The following SPATA6L variants were observed in gnomAD, a reference collection of about 807,000 sequenced individuals.
SPATA6L encodes the protein spermatogenesis associated 6 like.
A neutral mutation model predicts 49.2 loss-of-function variants in SPATA6L; 68 were observed. That is an observed-to-expected ratio of 1.38 (90% CI 1.14 to 1.69). The LOEUF (loss-of-function observed/expected upper bound fraction) is 1.69. Ranked by LOEUF, SPATA6L falls within the 40% of genes most tolerant of loss-of-function variation. The pLI is 0.00. For missense variants in SPATA6L, 668 were observed against 464.3 expected (o/e 1.44, Z -4.03); for synonymous variants, 198 against 165.7 (o/e 1.19, Z -1.50).
Position 4,629,167 on chromosome 9 carries a change from C to T in SPATA6L, c.353G>A (p.Gly118Asp). ...AGAAAACTCTATTTTGGGAGCAATG[C>T]CCTATAAAACAGCATAAAAAAAGCA... Reference protein sequence around the residue: ...VLMKTALGFPGIAPKIEFSTR... With the variant: ...VLMKTALGFPDIAPKIEFSTR... The change falls in exon 5 of 12, where the codon GGC becomes GAC. Residue 118 changes from glycine to aspartate, a missense_variant and splice_region_variant. By Grantham distance (94) the Gly-to-Asp change is moderately conservative. Coordinates refer to ENST00000682582, the MANE Select transcript of SPATA6L (RefSeq NM_001353486.2). The T allele has an allele frequency of 1.3e-6, 2 of 1,558,498 alleles. No individual in the cohort carries two copies. Among genetic ancestry groups the T allele is most frequent in the Non-Finnish European group, 8.6e-7 (1 of 1,158,576 alleles).
At chr9:4,661,424 A>G (rs1285232626) in intron 2 of SPATA6L, among the ~76,000 whole-genome samples, 2 of 152,154 alleles carry the variant, frequency 1.3e-5, no homozygotes, top group African/African-American at 2.4e-5. Context: ...TAGCTAAATA[A>G]TCTAGGTATG....
At chr9:4,646,916 T>G (rs1835510484) in intron 3 of SPATA6L, among the ~76,000 whole-genome samples, 1 of 152,128 alleles carries the variant, frequency 6.6e-6, no homozygotes, top group African/African-American at 2.4e-5. Context: ...TGGGGCCTAC[T>G]TGAGGGTGAA....
chr9:4,657,374 T>C (rs894971913), intron 2 of SPATA6L, among the ~76,000 whole-genome samples: 1 of 152,144 alleles, frequency 6.6e-6, no homozygotes, highest in African/African-American at 2.4e-5. Context: ...ATTCATGGAA[T>C]GAAGTCTTAA....
intron 9 of SPATA6L, among the ~76,000 whole-genome samples, chr9:4,613,170 G>C (rs1827169269): frequency 6.6e-6 from 1 of 151,804 alleles, no homozygotes; most frequent in Non-Finnish European, 1.5e-5. Flanking sequence ...GGAGGTTGTA[G>C]TGAGCTGAGA....
At chr9:4,611,910 C>T (rs1217109456) in intron 9 of SPATA6L, among the ~76,000 whole-genome samples, 1 of 152,088 alleles carries the variant, frequency 6.6e-6, no homozygotes, top group Non-Finnish European at 1.5e-5. Context: ...ACTGCATGAT[C>T]ATAGCTCACT....
At chr9:4,589,801 C>A (rs189956299) in intron 13 of SPATA6L, among the ~76,000 whole-genome samples, 1 of 152,124 alleles carries the variant, frequency 6.6e-6, no homozygotes, top group East Asian at 1.9e-4. Flanking sequence ...CAGGGCCCCC[C>A]GTGGGGCTTT....
intron 5 of SPATA6L, chr9:4,627,140 C>T (rs980206953): frequency 6.6e-6 from 1 of 152,098 alleles, no homozygotes; most frequent in Non-Finnish European, 1.5e-5. Flanking sequence ...AGCAGAGGAT[C>T]TCTTGAGGCC....
At chr9:4,632,621 T>C (rs867793688) in intron 4 of SPATA6L, among the ~76,000 whole-genome samples, 10 of 151,656 alleles carry the variant, frequency 6.6e-5, no homozygotes, top group South Asian at 4.2e-4. Context: ...ATTAAGTGTG[T>C]TACTCTTTCA....
intron 3 of SPATA6L, among the ~76,000 whole-genome samples, chr9:4,640,756 G>A (rs952323437): frequency 7.2e-5 from 11 of 152,032 alleles, no homozygotes; most frequent in Non-Finnish European, 1.5e-4. Flanking sequence ...CTGAAGCTAA[G>A]TAAAATCAAT....
chr9:4,628,495 G>A lies in SPATA6L; in HGVS notation c.429+596C>T, dbSNP rs546890065. 1.6e-3 allele frequency: 237 copies of A among 151,948 alleles called. 1 individual carries two copies. Among genetic ancestry groups the A allele is most frequent in the African/African-American group, 5.6e-3 (230 of 41,416 alleles). The allele number at this position is 151,948 out of a possible 1,614,324, so 9.4% of individuals were successfully genotyped here. A position where few individuals can be genotyped will look rare whatever the true frequency, so the allele number is the denominator to read the frequency against. On this transcript the variant is annotated intron_variant, in intron 5 of 11. Transcript: ENST00000682582. ...GAGTCTCACTCTTGTCACCCAGGCT[G>A]GAGTGCAGTGGAGCCATCTTGGCTC...
intron 13 of SPATA6L, among the ~76,000 whole-genome samples, chr9:4,591,650 G>T (rs142764205): frequency 6.6e-6 from 1 of 152,342 alleles, no homozygotes; most frequent in African/African-American, 2.4e-5. Flanking sequence ...AAGGTAGAAA[G>T]AATGTGTCAA....
rs537779111 is a variant in SPATA6L, at chr9:4,606,500, G to A, written c.996-1060C>T. Among the ~76,000 whole-genome samples, 14 of 41,294 alleles carry A rather than the reference G, an allele frequency of 3.4e-4. 3 individuals carry two copies. The highest frequency in any genetic ancestry group is 7.7e-4 in the East Asian group (2 of 2,584). The allele number at this position is 41,294 out of a possible 152,430, so 27.1% of individuals were successfully genotyped here. A position where few individuals can be genotyped will look rare whatever the true frequency, so the allele number is the denominator to read the frequency against. On this transcript the variant is annotated intron_variant, in intron 9 of 11. Coordinates refer to ENST00000682582, the MANE Select transcript of SPATA6L (RefSeq NM_001353486.2). ...AGTGGGTGCCTGACCCCTGACCCCC[G>A]AGCAGCCTAACTGGGAGGCACCCCC...
chr9:4,637,180 T>C (rs1213670694), intron 3 of SPATA6L, among the ~76,000 whole-genome samples: 1 of 152,150 alleles, frequency 6.6e-6, no homozygotes, highest in Non-Finnish European at 1.5e-5. Flanking sequence ...CCCTTACCCT[T>C]CTTGCTGTCC....
At chr9:4,663,462 GCAAAAAAACC>G (rs1351239649) in intron 1 of SPATA6L, 1 of 575,474 alleles carries the variant, frequency 1.7e-6, no homozygotes, top group Non-Finnish European at 3.1e-6. Context: ...ATTAGGGAAA[GCAAAAAAACC>G]CAAAAAATCC....
At chr9:4,628,252 A>G (rs1830728536) in intron 5 of SPATA6L, 1 of 182,250 alleles carries the variant, frequency 5.5e-6, no homozygotes, top group Non-Finnish European at 1.2e-5. Flanking sequence ...AACTAAAAGA[A>G]TATAATTGGA....
intron 9 of SPATA6L, among the ~76,000 whole-genome samples, chr9:4,610,061 A>C (rs1288762825): frequency 6.6e-6 from 1 of 152,116 alleles, no homozygotes; most frequent in Non-Finnish European, 1.5e-5. Context: ...TTCAAAGAGA[A>C]TAAAATACCT....
At position 4,622,450 on chromosome 9, in the gene SPATA6L, T is replaced by A; in HGVS notation, c.730A>T (p.Arg244Ter). The change falls in exon 7 of 12, where the codon AGA (arginine) becomes TGA (stop). Residue 244 changes from arginine to a stop codon, truncating the protein, a stop_gained. Coordinates refer to ENST00000682582, the MANE Select transcript of SPATA6L (RefSeq NM_001353486.2). LOFTEE classifies it high-confidence loss of function. ...ISEHHLRRSR[R>*]KSKFSDFPFP... is the part of the protein sequence containing the mutation. ...GGAAAGTCTGAAAACTTAGATTTTC[T>A]TCTAGACCTCCTCAAATGATGCTCT... The A allele has an allele frequency of 6.2e-7, 1 of 1,614,038 alleles. No homozygotes were observed. The highest frequency in any genetic ancestry group is 8.5e-7 in the Non-Finnish European group (1 of 1,179,962).
intron 3 of SPATA6L, among the ~76,000 whole-genome samples, chr9:4,644,290 C>T (rs972198267): frequency 6.7e-6 from 1 of 149,794 alleles, no homozygotes; most frequent in African/African-American, 2.5e-5. Context: ...TGCTCAAGCC[C>T]AGGAGGTCAT....
In SPATA6L at chr9:4,661,880, A is replaced by G. The variant is rs1046449346; in HGVS notation, c.177+19T>C. Reference sequence around the variant, plus strand: ...GGTTATCTTCAGACAACAAAAGCCAATGAGAAAGTCAAGATCACCTTTTCA... The same window carrying G: ...GGTTATCTTCAGACAACAAAAGCCAGTGAGAAAGTCAAGATCACCTTTTCA... On this transcript the variant is annotated intron_variant, in intron 2 of 11. Coordinates refer to ENST00000682582, the MANE Select transcript of SPATA6L (RefSeq NM_001353486.2). The G allele has an allele frequency of 7.4e-6, 12 of 1,612,618 alleles. No individual in the cohort carries two copies. The African/African-American group carries it at 9.4e-5, about 13-fold the overall frequency.
Sources: allele counts gnomAD v4.1 joint callset (sites outside exome capture counted in the v4.1 genomes callset), GRCh38; gene constraint gnomAD v4.1.1; transcripts MANE v1.5; gene names NCBI Gene and HGNC (gene_info 2026-07-23, HGNC 2026-07-21).